STXBP2: variants seen among roughly 807,000 people sequenced by gnomAD.
The protein encoded by STXBP2 is syntaxin-binding protein 2.
Under a neutral mutation model 72.2 loss-of-function variants are expected in STXBP2, and 47 were observed. That is an observed-to-expected ratio of 0.65 (90% CI 0.51 to 0.83). STXBP2 has a LOEUF of 0.83. STXBP2 is among the 40% of genes least tolerant of loss of function. STXBP2 has a pLI of 0.00. For synonymous variants in STXBP2, 367 were observed against 338.7 expected, an observed-to-expected ratio of 1.08 and a Z score of -0.92; for missense variants, 702 against 807.6, an observed-to-expected ratio of 0.87 and a Z score of 1.58.
chr19:7,642,875 C>T lies in STXBP2; in HGVS notation c.960+52C>T. On this transcript the variant is annotated intron_variant, in intron 11 of 18. Transcript: ENST00000221283. The surrounding 1 kb of genome is among the most constrained non-coding windows in gnomAD (Gnocchi z 6.0). Reference sequence around the variant, plus strand: ...GCGCTGGTGGAAGGAAGCCCCCCTCCCCATGGGCGCAGGGCCACAGCCTGG... The same window carrying T: ...GCGCTGGTGGAAGGAAGCCCCCCTCTCCATGGGCGCAGGGCCACAGCCTGG... The T allele has an allele frequency of 6.2e-7, 1 of 1,613,556 alleles. No individual in the cohort carries two copies. Among genetic ancestry groups the T allele is most frequent in the Non-Finnish European group, 8.5e-7 (1 of 1,179,486 alleles).
Position 7,646,304 on chromosome 19 carries a change from A to G in STXBP2, c.1412A>G (p.Gln471Arg), listed in dbSNP as rs1040196718. The change falls in exon 16 of 19, where the codon CAG becomes CGG. Residue 471 changes from glutamine (Q) to arginine (R), a missense_variant. Transcript: ENST00000221283. ...AGAGAACGCATGGAGCCCACCTATC[A>G]GCTGTCCCGCTGGACCCCGGTCATC... ...EPRERMEPTY[Q>R]LSRWTPVIKD... 3.1e-6 allele frequency: 5 copies of G among 1,611,404 alleles called. No homozygotes were observed. The highest frequency in any genetic ancestry group is 4.5e-5 in the East Asian group (2 of 44,744).
rs563017413 is a variant in STXBP2 at position 7,644,506 on chromosome 19, G to C, written c.1108-108G>C. ...GAGACCTGGTGCTGAGATGAGGTAG[G>C]ACCCAAATGTCCTCTTGCCGAGGAT... On this transcript the variant is annotated intron_variant, in intron 13 of 18. Transcript: ENST00000221283. The C allele has an allele frequency of 2.7e-6, 4 of 1,491,082 alleles. No homozygotes were observed. The Admixed American group carries it at 7.2e-5, about 27-fold the overall frequency. 92.4% of individuals were successfully genotyped at this position (1,491,082 alleles called of 1,614,324 possible).
At chr19:7,636,239 C>T (rs2031528112), upstream of STXBP2, 1 of 152,156 alleles carries the variant, frequency 6.6e-6, no homozygotes, top group Non-Finnish European at 1.5e-5. Context: ...CAGCTCAGAC[C>T]AGCAAGAGTC....
intron 4 of STXBP2, 147 bp downstream of exon 4, chr19:7,639,954 G>C: frequency 1.2e-6 from 1 of 800,956 alleles, no homozygotes; most frequent in African/African-American, 1.7e-5. Context: ...GTGTGCATGT[G>C]TGTGTGCATC....
At chr19:7,641,232 T>C in intron 6 of STXBP2, 1 of 593,230 alleles carries the variant, frequency 1.7e-6, no homozygotes, top group South Asian at 1.8e-5. Flanking sequence ...TAGCTTGGCG[T>C]GGTGGCGTGC....
chr19:7,632,598 C>G, upstream of STXBP2: 5 of 1,593,330 alleles, frequency 3.1e-6, no homozygotes, highest in Non-Finnish European at 4.3e-6. The surrounding 1 kb of genome is among the most constrained non-coding windows in gnomAD (Gnocchi z 5.2). Context: ...CACACAGATG[C>G]TTCAGGGTGC....
At chr19:7,640,316 CTGTGTGTGCG>C (rs1441015004) in intron 4 of STXBP2, 5 of 522,100 alleles carry the variant, frequency 9.6e-6, no homozygotes, top group Admixed American at 4.9e-5. Context: ...GTGTGTGCAT[CTGTGTGTGCG>C]TGTGTATGCG....
chr19:7,631,647 C>T, the STXBP2 span: 8 of 1,456,598 alleles, frequency 5.5e-6, no homozygotes, highest in Non-Finnish European at 7.3e-6. Context: ...ATTCTTTTAT[C>T]AGTTTTTGGG....
At position 7,637,413 on chromosome 19, in the gene STXBP2, A is replaced by G. The variant is rs149382153; in HGVS notation, c.37+227A>G. ...TTGGGGGGCCGGACTCCGGGGACCCAAAGGGGACGGGTAGAGTGTGGCGGA... is the reference window on the plus strand; with the variant it reads ...TTGGGGGGCCGGACTCCGGGGACCCGAAGGGGACGGGTAGAGTGTGGCGGA... On this transcript the variant is annotated intron_variant, in intron 1 of 18. Transcript: ENST00000221283. Among the ~76,000 whole-genome samples the G allele has an allele frequency of 5.4e-3, 826 of 152,166 alleles. 8 individuals are homozygous for G. The highest frequency in any genetic ancestry group is 0.019 in the African/African-American group (788 of 41,522).
upstream of STXBP2, chr19:7,632,501 G>A (rs367545215): frequency 1.2e-5 from 20 of 1,613,296 alleles, no homozygotes; most frequent in East Asian, 1.3e-4. This position sits in a 1 kb window ranked among gnomAD's most constrained non-coding sequence, Gnocchi z 5.2. Context: ...TGTCCATCTC[G>A]GGGGTGGGGT....
Position 7,640,892 on chromosome 19 carries a change from C to T in STXBP2, c.326-8C>T. On this transcript the variant is annotated splice_polypyrimidine_tract_variant and splice_region_variant and intron_variant, in intron 5 of 18. Coordinates refer to ENST00000221283, the MANE Select transcript of STXBP2 (RefSeq NM_006949.4). Reference sequence around the variant, plus strand: ...CTGGCCTGATGCCCCACTCCTGCCTCACCCCAGCCTGCCCCGAGCCCCTGT... The same window carrying T: ...CTGGCCTGATGCCCCACTCCTGCCTTACCCCAGCCTGCCCCGAGCCCCTGT... The T allele has an allele frequency of 1.1e-5, 17 of 1,614,136 alleles. No homozygotes were observed. The highest frequency in any genetic ancestry group is 1.4e-5 in the Non-Finnish European group (17 of 1,179,986).
chr19:7,638,538 G>A (rs2031655921), intron 1 of STXBP2, among the ~76,000 whole-genome samples, 188 bp from the exon 2 acceptor site: 1 of 152,028 alleles, frequency 6.6e-6, no homozygotes, highest in Non-Finnish European at 1.5e-5. Context: ...GGAGTTGGAG[G>A]CCGCAGTGAG....
the STXBP2 span, chr19:7,630,254 T>G: frequency 2.2e-6 from 1 of 457,102 alleles, no homozygotes; most frequent in Non-Finnish European, 3.9e-6. Context: ...TTGGGGGTGC[T>G]CCCGGGATCT....
the STXBP2 span, chr19:7,630,512 C>G: frequency 7.3e-7 from 1 of 1,366,918 alleles, no homozygotes; most frequent in Admixed American, 2.0e-5. Flanking sequence ...CCCCCAGGCT[C>G]TGAGGAGCCT....
intron 1 of STXBP2, 53 bp from the exon 2 acceptor site, chr19:7,638,673 A>G: frequency 6.3e-7 from 1 of 1,597,360 alleles, no homozygotes; most frequent in Admixed American, 1.7e-5. Flanking sequence ...GGCTTGGGGC[A>G]GTGGTGGGAC....
chr19:7,641,664 T>C (rs1249866775), intron 6 of STXBP2, 41 bp from the exon 7 acceptor site: 1 of 1,549,788 alleles, frequency 6.5e-7, no homozygotes, highest in Non-Finnish European at 8.7e-7. Flanking sequence ...GGTGTGCACC[T>C]GCAGCGGCAA....
In STXBP2 at chr19:7,645,181, C is replaced by T. The variant is rs555313223; in HGVS notation, c.1247-16C>T. The T allele has an allele frequency of 6.4e-7, 1 of 1,553,860 alleles. No individual in the cohort carries two copies. Among genetic ancestry groups the T allele is most frequent in the Non-Finnish European group, 8.7e-7 (1 of 1,147,806 alleles). ...ACCTGGCCGCCGCCTCCACCCTGCC[C>T]ATTCCCGTCCCCCAGGTGTGAGTGA... On this transcript the variant is annotated splice_polypyrimidine_tract_variant and intron_variant, in intron 14 of 18. Coordinates refer to ENST00000221283, the MANE Select transcript of STXBP2 (RefSeq NM_006949.4).
intron 15 of STXBP2, chr19:7,645,866 C>G (rs1170688427): frequency 2.7e-6 from 1 of 366,690 alleles, no homozygotes. Flanking sequence ...TCCCCTTTCT[C>G]TCTGTTCTCT....
the STXBP2 span, chr19:7,631,747 G>A: frequency 1.4e-5 from 20 of 1,438,386 alleles, no homozygotes; most frequent in Admixed American, 2.6e-5. Context: ...GAGAGCGGTC[G>A]GGTCCTGAGG....
Sources: gnomAD v4.1 joint callset for allele counts (sites outside exome capture counted in the v4.1 genomes callset) on GRCh38, gnomAD v4.1.1 for gene constraint, Gnocchi (gnomAD v3.1) non-coding constraint, MANE v1.5 for transcripts, NCBI Gene and HGNC (gene_info 2026-07-23, HGNC 2026-07-21) for gene names.